The following SLC25A51 variants were observed in gnomAD, a reference collection of about 807,000 sequenced individuals.
SLC25A51 encodes the protein mitochondrial nicotinamide adenine dinucleotide transporter SLC25A51.
In SLC25A51, 11 loss-of-function variants were observed where a neutral mutation model predicts 19.1. The ratio of observed to expected loss-of-function variants is 0.58; its 90% CI spans 0.36 to 0.96. The LOEUF (loss-of-function observed/expected upper bound fraction) is 0.96, where lower values mean the gene tolerates loss of function less well. SLC25A51 is among the 40% of genes least tolerant of loss of function. The pLI, the probability that SLC25A51 is intolerant of heterozygous loss-of-function variation, is 0.01. For missense variants in SLC25A51, 201 were observed against 365.4 expected (o/e 0.55, Z 3.67); for synonymous variants, 105 against 133.6 (o/e 0.79, Z 1.47).
intron 2 of SLC25A51, among the ~76,000 whole-genome samples, chr9:37,890,293 A>C (rs1831554056): frequency 1.3e-5 from 2 of 152,190 alleles, no homozygotes; most frequent in African/African-American, 4.8e-5. Flanking sequence ...CTGAGGTGGG[A>C]GGATCAATTG....
At chr9:37,888,738 C>A in intron 2 of SLC25A51, 146 bp from the exon 3 acceptor site, 1 of 660,096 alleles carries the variant, frequency 1.5e-6, no homozygotes, top group Non-Finnish European at 2.4e-6. Context: ...TTCAGAAGAC[C>A]CCTGGAAGTC....
At chr9:37,885,358 A>AAC (rs1412371239), downstream of SLC25A51, among the ~76,000 whole-genome samples, 2 of 151,582 alleles carry the variant, frequency 1.3e-5, no homozygotes, top group African/African-American at 4.8e-5. Flanking sequence ...AAAAAAAAAA[A>AAC]AAAAAAAAAA....
chr9:37,893,358 A>G (rs1831641083), intron 2 of SLC25A51, among the ~76,000 whole-genome samples: 1 of 152,230 alleles, frequency 6.6e-6, no homozygotes, highest in Non-Finnish European at 1.5e-5. Flanking sequence ...TCATGTTCCT[A>G]TTAGAAAAGA....
At chr9:37,884,927 T>C (rs539082659), downstream of SLC25A51, among the ~76,000 whole-genome samples, 198 of 152,340 alleles carry the variant, frequency 1.3e-3, no homozygotes, top group African/African-American at 4.6e-3. Context: ...AAACAGGAAC[T>C]TTCATAGCTC....
chr9:37,888,177 G>A lies in SLC25A51; in HGVS notation c.374C>T (p.Ala125Val). 6 of 1,614,026 alleles carry A rather than the reference G, an allele frequency of 3.7e-6. No homozygotes were observed. The highest frequency in any genetic ancestry group is 5.1e-6 in the Non-Finnish European group (6 of 1,179,900). The stretch of plus-strand genomic sequence containing the variant: ...TGCTTCTGTTGTCCCTGCAAGCACT[G>A]CCGCCACGCCACTGGTTGCAAACTC... ...APEFATSGVA[A>V]VLAGTTEAIF... Residue 125 changes from alanine (A) to valine (V), a missense_variant, in exon 3 of 3, where the codon GCA becomes GTA. Ala to Val is a moderately conservative substitution (Grantham distance 64). Coordinates refer to ENST00000242275, the MANE Select transcript of SLC25A51 (RefSeq NM_033412.4).
At chr9:37,885,361 A>AC (rs1203547669), downstream of SLC25A51, among the ~76,000 whole-genome samples, 3 of 151,712 alleles carry the variant, frequency 2.0e-5, no homozygotes, top group African/African-American at 4.8e-5. Context: ...AAAAAAAAAA[A>AC]AAAAAAACCT....
intron 1 of SLC25A51, 45 bp downstream of exon 1, chr9:37,904,023 A>C (rs1831918180): frequency 6.6e-6 from 1 of 152,242 alleles, no homozygotes; most frequent in South Asian, 2.1e-4. Context: ...CTCCAACCTC[A>C]TGCGAAGAAA....
At chr9:37,883,970 T>C (rs1420421399), downstream of SLC25A51, among the ~76,000 whole-genome samples, 2 of 152,232 alleles carry the variant, frequency 1.3e-5, no homozygotes, top group Non-Finnish European at 2.9e-5. Context: ...CCAGCCATAG[T>C]GCATTTAGAG....
downstream of SLC25A51, chr9:37,886,455 G>C: frequency 6.8e-7 from 1 of 1,477,484 alleles, no homozygotes; most frequent in Non-Finnish European, 9.1e-7. Flanking sequence ...CCACAAGCCT[G>C]AGACTACAGC....
At chr9:37,891,271 C>A (rs1279969727) in intron 2 of SLC25A51, among the ~76,000 whole-genome samples, 16 of 152,118 alleles carry the variant, frequency 1.1e-4, no homozygotes, top group African/African-American at 3.6e-4. Context: ...CCGCCCCGTC[C>A]GGGAGGTGGG....
intron 2 of SLC25A51, among the ~76,000 whole-genome samples, chr9:37,889,012 T>C (rs530837277): frequency 6.6e-6 from 1 of 152,354 alleles, no homozygotes; most frequent in East Asian, 1.9e-4. Context: ...AATGTGTTTA[T>C]CATTACCTTA....
downstream of SLC25A51, among the ~76,000 whole-genome samples, chr9:37,885,052 C>T (rs1831418033): frequency 6.6e-6 from 1 of 152,048 alleles, no homozygotes; most frequent in Non-Finnish European, 1.5e-5. Flanking sequence ...AGCTGTTTTT[C>T]TTTTCTGTTC....
At chr9:37,886,716 T>C (rs570180935), downstream of SLC25A51, among the ~76,000 whole-genome samples, 1 of 152,316 alleles carries the variant, frequency 6.6e-6, no homozygotes, top group African/African-American at 2.4e-5. Flanking sequence ...TGAAACTCTG[T>C]CGTTTCATTA....
intron 1 of SLC25A51, among the ~76,000 whole-genome samples, chr9:37,901,182 T>A (rs186043943): frequency 6.6e-6 from 1 of 151,928 alleles, no homozygotes; most frequent in East Asian, 1.9e-4. Context: ...AAAAAATTTT[T>A]TTTTTGAGAC....
intron 2 of SLC25A51, among the ~76,000 whole-genome samples, chr9:37,896,593 C>T (rs1340760050): frequency 1.3e-5 from 2 of 152,090 alleles, no homozygotes; most frequent in Non-Finnish European, 2.9e-5. Flanking sequence ...GTCAGGAGTT[C>T]GAGACCAGTC....
chr9:37,883,986 CA>C (rs1448283268), downstream of SLC25A51, among the ~76,000 whole-genome samples: 3 of 152,160 alleles, frequency 2.0e-5, no homozygotes, highest in South Asian at 2.1e-4. Flanking sequence ...TAGAGGTCAA[CA>C]GCTTTTATGG....
chr9:37,903,244 T>C (rs962199966), intron 1 of SLC25A51, among the ~76,000 whole-genome samples: 1 of 151,958 alleles, frequency 6.6e-6, no homozygotes, highest in Non-Finnish European at 1.5e-5. Context: ...AATGGCAAGG[T>C]CACTATACAT....
intron 1 of SLC25A51, among the ~76,000 whole-genome samples, chr9:37,902,937 T>A (rs1397308493): frequency 6.6e-6 from 1 of 152,192 alleles, no homozygotes; most frequent in Non-Finnish European, 1.5e-5. Flanking sequence ...AGTCAGCAGG[T>A]CTGAGTCAGC....
downstream of SLC25A51, chr9:37,886,491 TGTGACTGGGTGGGGCA>T (rs962477022): frequency 2.5e-5 from 33 of 1,295,604 alleles, no homozygotes; most frequent in Middle Eastern, 9.5e-4. Context: ...TCCCTTTGGC[TGTGACTGGGTGGGGCA>T]GTGCGCAGCT....
Sources: allele counts gnomAD v4.1 joint callset (sites outside exome capture counted in the v4.1 genomes callset), GRCh38; gene constraint gnomAD v4.1.1; transcripts MANE v1.5; gene names NCBI Gene and HGNC (gene_info 2026-07-23, HGNC 2026-07-21).